The following TNFRSF8 variants were observed in gnomAD, a reference collection of about 807,000 sequenced individuals.
The protein encoded by TNFRSF8 is TNF receptor superfamily member 8.
In TNFRSF8, 26 loss-of-function variants were observed where a neutral mutation model predicts 70.8. The ratio of observed to expected loss-of-function variants is 0.37; its 90% CI spans 0.27 to 0.51. The LOEUF (loss-of-function observed/expected upper bound fraction) is 0.51, where lower values mean the gene tolerates loss of function less well. Among genes scored for constraint, TNFRSF8 ranks in the 20% least tolerant of loss-of-function variants. TNFRSF8 has a pLI of 0.94. For missense variants in TNFRSF8, 720 were observed against 807.9 expected, an observed-to-expected ratio of 0.89 and a Z score of 1.32; for synonymous variants, 356 against 339.2, an observed-to-expected ratio of 1.05 and a Z score of -0.54.
intron 8 of TNFRSF8, among the ~76,000 whole-genome samples, chr1:12,120,422 G>A (rs1359170170): frequency 6.6e-6 from 1 of 152,176 alleles, no homozygotes; most frequent in African/African-American, 2.4e-5. Flanking sequence ...AGGATATGGT[G>A]AGGGCACACT....
At chr1:12,085,053 C>G (rs1641130226) in intron 2 of TNFRSF8, among the ~76,000 whole-genome samples, 1 of 152,136 alleles carries the variant, frequency 6.6e-6, no homozygotes, top group Non-Finnish European at 1.5e-5. Context: ...ATCCTCTGAC[C>G]ACCCTTCATT....
chr1:12,099,714 A>G (rs929214503), intron 3 of TNFRSF8, among the ~76,000 whole-genome samples: 1 of 151,758 alleles, frequency 6.6e-6, no homozygotes, highest in Admixed American at 6.6e-5. Flanking sequence ...GTGTACTTAC[A>G]CACACCTACA....
Position 12,138,741 on chromosome 1 carries a change from G to A in TNFRSF8, c.1543+305G>A, listed in dbSNP as rs2101049313. Reference sequence around the variant, plus strand: ...GAGGGGACAGGAGGAAGACGTGCCAGTGGTCACAGGACCTGCCACTTGTCT... The same window carrying A: ...GAGGGGACAGGAGGAAGACGTGCCAATGGTCACAGGACCTGCCACTTGTCT... On this transcript the variant is annotated intron_variant, in intron 14 of 14. Transcript: ENST00000263932. The surrounding 1 kb of genome is among the most constrained non-coding windows in gnomAD (Gnocchi z 5.7). Among the ~76,000 whole-genome samples the A allele has an allele frequency of 6.6e-6, 1 of 152,340 alleles. No individual in the cohort carries two copies. The highest frequency in any genetic ancestry group is 2.4e-5 in the African/African-American group (1 of 41,580).
In TNFRSF8 at chr1:12,104,335, C is replaced by G. The variant is rs570052473; in HGVS notation, c.269-44C>G. 3 of 1,611,904 alleles carry G rather than the reference C, an allele frequency of 1.9e-6. No individual in the cohort carries two copies. In the South Asian group the frequency reaches 3.3e-5, roughly 18 times the overall value. ...ATCTCAAGAGCTATCTGGAGAGACG[C>G]CTTCCTTCTGTTCCCCTCTGTGACC... is the stretch of plus-strand genomic sequence containing the variant. On this transcript the variant is annotated intron_variant, in intron 3 of 14. Transcript: ENST00000263932.
chr1:12,109,675 C>T lies in TNFRSF8; in HGVS notation c.512+19C>T. On this transcript the variant is annotated intron_variant, in intron 5 of 14. Transcript: ENST00000263932. This position sits in a 1 kb window ranked among gnomAD's most constrained non-coding sequence, Gnocchi z 4.4. ...CCTCCAGGTGACTCCCTGGCTTTGC[C>T]TCCTCCTCTTCCCCCAAGCTGGCTT... 1 of 1,605,256 alleles carries T rather than the reference C, an allele frequency of 6.2e-7. No individual in the cohort carries two copies. Among genetic ancestry groups the T allele is most frequent in the Non-Finnish European group, 8.5e-7 (1 of 1,172,728 alleles).
intron 8 of TNFRSF8, among the ~76,000 whole-genome samples, chr1:12,118,237 A>C (rs1171652571): frequency 6.6e-6 from 1 of 151,932 alleles, no homozygotes; most frequent in Non-Finnish European, 1.5e-5. Context: ...CAGCCTCCCA[A>C]GTAGCTGGGA....
intron 4 of TNFRSF8, among the ~76,000 whole-genome samples, chr1:12,107,627 T>C (rs542342252): frequency 9.2e-5 from 14 of 152,308 alleles, no homozygotes; most frequent in Middle Eastern, 3.4e-3. Flanking sequence ...CCCAGAATAT[T>C]TGAGCTGGCC....
At chr1:12,068,727 A>G (rs1640785198) in intron 1 of TNFRSF8, among the ~76,000 whole-genome samples, 1 of 152,182 alleles carries the variant, frequency 6.6e-6, no homozygotes, top group Non-Finnish European at 1.5e-5. Context: ...TGGGTCAGGC[A>G]TGGCTCCAGG....
intron 14 of TNFRSF8, among the ~76,000 whole-genome samples, chr1:12,140,706 C>T (rs949197973): frequency 3.3e-5 from 5 of 152,206 alleles, no homozygotes; most frequent in Admixed American, 6.5e-5. Context: ...TTCCAGATTT[C>T]CTGGGGACTC....
At position 12,070,525 on chromosome 1, in the gene TNFRSF8, A is replaced by G. The variant is rs139049949; in HGVS notation, c.63+6864A>G. 8.4e-3 allele frequency among the ~76,000 whole-genome samples: 1,278 copies of G among 152,176 alleles called. 17 individuals are homozygous for G. Among genetic ancestry groups the G allele is most frequent in the African/African-American group, 0.029 (1,219 of 41,494 alleles). ...GCCTATGTAGAGACAGGGTCTCACT[A>G]TGTTGCCCAGTTTGGTCTCAAACTC... On this transcript the variant is annotated intron_variant, in intron 1 of 14. Transcript: ENST00000263932.
chr1:12,107,562 G>T (rs1295301704), intron 4 of TNFRSF8, among the ~76,000 whole-genome samples: 2 of 111,832 alleles, frequency 1.8e-5, no homozygotes, highest in African/African-American at 9.9e-5. Flanking sequence ...GATATACTGG[G>T]TTAAATAATG....
chr1:12,100,068 CTG>C (rs1435894508), intron 3 of TNFRSF8, among the ~76,000 whole-genome samples: 6 of 152,166 alleles, frequency 3.9e-5, no homozygotes, highest in African/African-American at 1.4e-4. Context: ...ACTCAAGAGG[CTG>C]AAGCAGAAGA....
At chr1:12,077,340 A>ATAAAAG (rs2100955955) in intron 1 of TNFRSF8, among the ~76,000 whole-genome samples, 1 of 152,186 alleles carries the variant, frequency 6.6e-6, no homozygotes, top group South Asian at 2.1e-4. Context: ...AAAGCAGAGA[A>ATAAAAG]CCCTTCCTGG....
intron 2 of TNFRSF8, among the ~76,000 whole-genome samples, chr1:12,086,475 C>G (rs71568389): frequency 6.9e-6 from 1 of 144,226 alleles, no homozygotes; most frequent in Admixed American, 7.1e-5. Flanking sequence ...ACCTGCCCCC[C>G]TCACCCACCC....
chr1:12,074,347 T>C (rs1352407781), intron 1 of TNFRSF8, among the ~76,000 whole-genome samples: 3 of 151,164 alleles, frequency 2.0e-5, no homozygotes, highest in Admixed American at 2.0e-4. Flanking sequence ...TGATGTGATC[T>C]TGGCTCACTG....
intron 1 of TNFRSF8, among the ~76,000 whole-genome samples, chr1:12,076,899 G>A (rs540600022): frequency 1.3e-5 from 2 of 152,268 alleles, no homozygotes; most frequent in South Asian, 4.2e-4. Flanking sequence ...GCTTAGGAGC[G>A]AGGGTGTGGC....
At chr1:12,091,254 CT>C (rs930391749) in intron 2 of TNFRSF8, among the ~76,000 whole-genome samples, 1 of 152,164 alleles carries the variant, frequency 6.6e-6, no homozygotes, top group Non-Finnish European at 1.5e-5. Flanking sequence ...TTGGTGATGC[CT>C]GGAAACACCA....
chr1:12,109,560 C>T lies in TNFRSF8; in HGVS notation c.422-6C>T, dbSNP rs1485662040. The stretch of plus-strand genomic sequence containing the variant: ...GATTCTGAAGGCACTGCTGTCCCCC[C>T]TGCAGGCACGGCGCAGAAGAACACG... On this transcript the variant is annotated splice_polypyrimidine_tract_variant and splice_region_variant and intron_variant, in intron 4 of 14. Coordinates refer to ENST00000263932, the MANE Select transcript of TNFRSF8 (RefSeq NM_001243.5). The surrounding 1 kb of genome is among the most constrained non-coding windows in gnomAD (Gnocchi z 4.4). The T allele has an allele frequency of 6.2e-7, 1 of 1,613,030 alleles. No homozygotes were observed. Among genetic ancestry groups the T allele is most frequent in the African/African-American group, 1.3e-5 (1 of 74,908 alleles).
At chr1:12,130,517 GCCTAGCTGAA>G (rs1285373894) in intron 12 of TNFRSF8, among the ~76,000 whole-genome samples, 1 of 152,212 alleles carries the variant, frequency 6.6e-6, no homozygotes, top group Non-Finnish European at 1.5e-5. Flanking sequence ...TGTTGCCAAA[GCCTAGCTGAA>G]CCTCTGTGCC....
Sources: gnomAD v4.1 joint callset for allele counts (sites outside exome capture counted in the v4.1 genomes callset) on GRCh38, gnomAD v4.1.1 for gene constraint, Gnocchi (gnomAD v3.1) non-coding constraint, MANE v1.5 for transcripts, NCBI Gene and HGNC (gene_info 2026-07-23, HGNC 2026-07-21) for gene names.